The following PLXNB2 variants were observed in gnomAD, a reference collection of about 807,000 sequenced individuals.
PLXNB2 encodes plexin B2, also known as plexin-B2.
A neutral mutation model predicts 202.6 loss-of-function variants in PLXNB2; 85 were observed. The observed-to-expected ratio is 0.42, with a 90% CI of 0.35 to 0.50. The LOEUF (loss-of-function observed/expected upper bound fraction) is 0.50. Among genes scored for constraint, PLXNB2 ranks in the 20% least tolerant of loss-of-function variants. PLXNB2 has a pLI of 0.02. For missense variants in PLXNB2, 2,063 were observed against 2,586.2 expected (o/e 0.80, Z 4.39); for synonymous variants, 1,239 against 1,137.6 (o/e 1.09, Z -1.79).
intron 14 of PLXNB2, 23 bp from the exon 15 acceptor site, chr22:50,283,773 G>T (rs1415678571): frequency 6.2e-7 from 1 of 1,612,984 alleles, no homozygotes; most frequent in South Asian, 1.1e-5. Context: ...AGCCGGGTGA[G>T]CAGGGAGGGG....
At chr22:50,303,681 A>G (rs1456305199) in intron 1 of PLXNB2, among the ~76,000 whole-genome samples, 1 of 152,210 alleles carries the variant, frequency 6.6e-6, no homozygotes, top group Non-Finnish European at 1.5e-5. Flanking sequence ...GGTGCTGGAC[A>G]CTGTGTCTCC....
intron 1 of PLXNB2, among the ~76,000 whole-genome samples, chr22:50,305,789 G>A (rs571174849): frequency 8.5e-5 from 13 of 152,234 alleles, no homozygotes; most frequent in African/African-American, 1.4e-4. Context: ...GAGACTTCTC[G>A]GGGCGAGGGG....
At position 50,276,184 on chromosome 22, in the gene PLXNB2, C is replaced by T. The variant is rs931499636; in HGVS notation, c.5338-221G>A. On this transcript the variant is annotated intron_variant, in intron 35 of 36. Coordinates refer to ENST00000359337, the MANE Select transcript of PLXNB2 (RefSeq NM_012401.4). ...CATCTCAGTGTCTCCCTGTGTGACG[C>T]ACGGCTGTGGATGGACCCACAGGGA... Among the ~76,000 whole-genome samples, 20 of 151,876 alleles carry T rather than the reference C, an allele frequency of 1.3e-4. 1 individual carries two copies. Among genetic ancestry groups the T allele is most frequent in the African/African-American group, 4.4e-4 (18 of 41,328 alleles).
chr22:50,303,229 T>A (rs2067772918), intron 1 of PLXNB2, among the ~76,000 whole-genome samples: 1 of 152,062 alleles, frequency 6.6e-6, no homozygotes, highest in African/African-American at 2.4e-5. Context: ...GCAAATGCAG[T>A]GACAATCACA....
At chr22:50,302,133 C>T (rs908951762) in intron 1 of PLXNB2, among the ~76,000 whole-genome samples, 3 of 152,062 alleles carry the variant, frequency 2.0e-5, no homozygotes, top group African/African-American at 2.4e-5. Flanking sequence ...GGGGCAGGGC[C>T]GTCTCAGCAG....
Position 50,288,786 on chromosome 22 carries a change from A to G in PLXNB2, c.1337T>C (p.Leu446Pro). Residue 446 changes from leucine (L) to proline (P), a missense_variant, in exon 5 of 37, where the codon CTG becomes CCG. Leu to Pro is a moderately conservative substitution (Grantham distance 98). Coordinates refer to ENST00000359337, the MANE Select transcript of PLXNB2 (RefSeq NM_012401.4). The surrounding 1 kb of genome is among the most constrained non-coding windows in gnomAD (Gnocchi z 5.0). ...INKRVKRDLV[L>P]SGDLGSLYAM... Reference sequence around the variant, plus strand: ...GTACAGGCTGCCCAGGTCTCCAGACAGTACCAGGTCGCGCTTGACTCTCTT... The same window carrying G: ...GTACAGGCTGCCCAGGTCTCCAGACGGTACCAGGTCGCGCTTGACTCTCTT... 1.2e-6 allele frequency: 2 copies of G among 1,613,170 alleles called. No homozygotes were observed. The highest frequency in any genetic ancestry group is 8.5e-7 in the Non-Finnish European group (1 of 1,179,962).
chr22:50,276,612 C>G lies in PLXNB2; in HGVS notation c.5337+17G>C. ...GAGCGGGGAGGGCTGTGGGTGCGTC[C>G]CTGGTGGTCTCCTTACCCGGGAAAT... On this transcript the variant is annotated intron_variant, in intron 35 of 36. Coordinates refer to ENST00000359337, the MANE Select transcript of PLXNB2 (RefSeq NM_012401.4). The G allele has an allele frequency of 6.2e-7, 1 of 1,606,998 alleles. No homozygotes were observed. The highest frequency in any genetic ancestry group is 2.2e-5 in the East Asian group (1 of 44,834).
chr22:50,287,106 C>A lies in PLXNB2; in HGVS notation c.1762+5G>T. On this transcript the variant is annotated splice_donor_5th_base_variant and intron_variant, in intron 8 of 36. Transcript: ENST00000359337. ...GCCACCCGGGGGCTCGGGAAGGGGC[C>A]TCACCCTGGCCTGGCGGTGTGACGG... 1 of 1,507,030 alleles carries A rather than the reference C, an allele frequency of 6.6e-7. No individual in the cohort carries two copies. The highest frequency in any genetic ancestry group is 1.4e-5 in the African/African-American group (1 of 71,884). The allele number at this position is 1,507,030 out of a possible 1,614,324, so 93.4% of individuals were successfully genotyped here. A position where few individuals can be genotyped will look rare whatever the true frequency, so the allele number is the denominator to read the frequency against.
At chr22:50,287,088 G>T in intron 8 of PLXNB2, 23 bp downstream of exon 8, 2 of 1,478,100 alleles carry the variant, frequency 1.4e-6, no homozygotes, top group Non-Finnish European at 1.8e-6. Context: ...AGGGCCACCC[G>T]GGGGCTCGGG....
intron 34 of PLXNB2, 49 bp downstream of exon 34, chr22:50,276,793 G>A: frequency 6.3e-7 from 1 of 1,596,816 alleles, no homozygotes; most frequent in Non-Finnish European, 8.6e-7. Context: ...TCCCCGCAGG[G>A]GGTCGAGGGT....
Position 50,278,223 on chromosome 22 carries a change from G to T in PLXNB2, c.4781C>A (p.Pro1594Gln). The change falls in exon 31 of 37, where the codon CCG (proline) becomes CAG (glutamine). Residue 1594 changes from proline (P) to glutamine (Q), a missense_variant. Around this residue, in one of 2 missense-constraint regions of PLXNB2, gnomAD observed 760 missense variants for 1,109.4 expected, o/e 0.69. Transcript: ENST00000359337. ...EENRVWHLVR[P>Q]TDEVDEGKSK... ...CTTGCCCTCGTCCACCTCGTCGGTC[G>T]GCCGCACCAGGTGCCACACCCGGTT... 1 of 1,609,980 alleles carries T rather than the reference G, an allele frequency of 6.2e-7. No individual in the cohort carries two copies.
At position 50,284,512 on chromosome 22, in the gene PLXNB2, C is replaced by T; in HGVS notation, c.2181+61G>A. 7.6e-7 allele frequency: 1 copy of T among 1,311,734 alleles called. No individual in the cohort carries two copies. The highest frequency in any genetic ancestry group is 2.5e-5 in the East Asian group (1 of 40,306). 81.3% of individuals were successfully genotyped at this position (1,311,734 alleles called of 1,614,324 possible). On this transcript the variant is annotated intron_variant, in intron 12 of 36. Coordinates refer to ENST00000359337, the MANE Select transcript of PLXNB2 (RefSeq NM_012401.4). This position sits in a 1 kb window ranked among gnomAD's most constrained non-coding sequence, Gnocchi z 8.0. ...CTCCCCTCACAGTCCTGAAGGTGAC[C>T]CCCCACCCCACCCGGGGCCCTGGGG...
rs2065487212 is a variant in PLXNB2, at chr22:50,275,572, G to A, written c.*132C>T. The stretch of plus-strand genomic sequence containing the variant: ...TCTAGACGCTGGGCGGGTTCCGGCT[G>A]CACCCACTCCGGCTTGGGGCGCGTT... On this transcript the variant is annotated 3_prime_UTR_variant, in exon 37 of 37. Coordinates refer to ENST00000359337, the MANE Select transcript of PLXNB2 (RefSeq NM_012401.4). 1.5e-6 allele frequency: 1 copy of A among 666,856 alleles called. No individual in the cohort carries two copies. The highest frequency in any genetic ancestry group is 2.5e-5 in the Admixed American group (1 of 40,524). The allele number at this position is 666,856 out of a possible 1,614,324, so 41.3% of individuals were successfully genotyped here. A position where few individuals can be genotyped will look rare whatever the true frequency, so the allele number is the denominator to read the frequency against.
Position 50,277,966 on chromosome 22 carries a change from C to A in PLXNB2, c.4935G>T (p.Ala1645=). Residue 1645 remains alanine, a synonymous_variant, in exon 32 of 37, where the codon GCG becomes GCT. Transcript: ENST00000359337. ...FVDNFFQSVL[A]PGHAVPPAVK... ...CTGCAGGTGGCACCGCGTGCCCAGG[C>A]GCCAGCACGCTCTGGAAGAAGTTGT... 1.2e-6 allele frequency: 2 copies of A among 1,612,938 alleles called. No homozygotes were observed. Among genetic ancestry groups the A allele is most frequent in the South Asian group, 1.1e-5 (1 of 91,080 alleles).
chr22:50,278,992 T>C lies in PLXNB2; in HGVS notation c.4409A>G (p.Gln1470Arg), dbSNP rs1249297625. The C allele has an allele frequency of 6.2e-7, 1 of 1,611,504 alleles. No homozygotes were observed. Among genetic ancestry groups the C allele is most frequent in the Non-Finnish European group, 8.5e-7 (1 of 1,178,628 alleles). Reference sequence around the variant, plus strand: ...CGGGATGGCGTCCACTCCCTCGTCCTGCACGATCACGCTCACCGTCTGCCG... The same window carrying C: ...CGGGATGGCGTCCACTCCCTCGTCCCGCACGATCACGCTCACCGTCTGCCG... Reference protein sequence around the residue: ...YAPLTVSVIVQDEGVDAIPVK... With the variant: ...YAPLTVSVIVRDEGVDAIPVK... Residue 1470 changes from glutamine (Q) to arginine (R), a missense_variant, in exon 28 of 37, where the codon CAG becomes CGG. This residue lies in a region of PLXNB2 where 760 missense variants were observed against 1,109.4 expected (regional missense o/e 0.69). Transcript: ENST00000359337.
In PLXNB2 at chr22:50,289,156, C is replaced by G; in HGVS notation, c.1069-14G>C. On this transcript the variant is annotated splice_polypyrimidine_tract_variant and intron_variant, in intron 3 of 36. Transcript: ENST00000359337. This position sits in a 1 kb window ranked among gnomAD's most constrained non-coding sequence, Gnocchi z 8.0. ...CTTGCTGGAGCCCTGCGGACCACAG[C>G]GTGTCAATGGCAGGCAGACCCCCTG... The G allele has an allele frequency of 1.9e-6, 3 of 1,547,248 alleles. No homozygotes were observed. The highest frequency in any genetic ancestry group is 2.6e-6 in the Non-Finnish European group (3 of 1,147,450).
chr22:50,286,476 A>C (rs1260072753), intron 8 of PLXNB2, among the ~76,000 whole-genome samples, 189 bp from the exon 9 acceptor site: 1 of 152,136 alleles, frequency 6.6e-6, no homozygotes, highest in Non-Finnish European at 1.5e-5. Flanking sequence ...TGGGGCTGCC[A>C]GGACGCCCGT....
chr22:50,280,698 C>T (rs1258806646), intron 24 of PLXNB2, 28 bp from the exon 25 acceptor site: 1 of 1,597,132 alleles, frequency 6.3e-7, no homozygotes, highest in Non-Finnish European at 8.5e-7. Flanking sequence ...CAAAGCCTGC[C>T]CGGCGCCACC....
chr22:50,280,122 GCCCAACTGA>G, intron 25 of PLXNB2, 51 bp from the exon 26 acceptor site: 1 of 1,448,004 alleles, frequency 6.9e-7, no homozygotes, highest in Admixed American at 2.0e-5. Context: ...TATTCCTGAG[GCCCAACTGA>G]CTCCTCCAAG....
Sources: gnomAD v4.1 joint callset for allele counts (sites outside exome capture counted in the v4.1 genomes callset) on GRCh38, gnomAD v4.1.1 for gene constraint, gnomAD v4.1.1 regional missense constraint, Gnocchi (gnomAD v3.1) non-coding constraint, MANE v1.5 for transcripts, NCBI Gene and HGNC (gene_info 2026-07-23, HGNC 2026-07-21) for gene names.